The following PTGER3 variants were observed in gnomAD, a reference collection of about 807,000 sequenced individuals.
PTGER3 encodes prostaglandin E receptor 3.
PTGER3 carries 22 observed loss-of-function variants against 34.7 expected under a neutral mutation model. The observed-to-expected ratio is 0.63, with a 90% CI of 0.45 to 0.91. PTGER3 has a LOEUF of 0.91. PTGER3 is among the 40% of genes least tolerant of loss of function. The probability of loss-of-function intolerance (pLI) is 0.00; values close to 1 mark genes in which losing one functional copy is unlikely to be tolerated. For missense variants in PTGER3, 468 were observed against 519.4 expected (o/e 0.90, Z 0.96); for synonymous variants, 241 against 230.1 (o/e 1.05, Z -0.43).
intron 4 of PTGER3, among the ~76,000 whole-genome samples, chr1:70,931,407 G>T (rs1421429974): frequency 6.6e-6 from 1 of 152,182 alleles, no homozygotes; most frequent in Non-Finnish European, 1.5e-5. Context: ...CCACTCGGCA[G>T]TGCCCCAGTA....
chr1:71,013,702 C>CAAA (rs111381892), intron 1 of PTGER3, among the ~76,000 whole-genome samples: 1 of 105,612 alleles, frequency 9.5e-6, no homozygotes, highest in Non-Finnish European at 2.0e-5. Flanking sequence ...AACTCTGTCT[C>CAAA]AAAAAAAAAA....
At chr1:70,928,648 A>G (rs189214429) in intron 4 of PTGER3, among the ~76,000 whole-genome samples, 22 of 152,194 alleles carry the variant, frequency 1.4e-4, no homozygotes, top group East Asian at 3.9e-4. Flanking sequence ...AAAACAAAAC[A>G]AAAAACGAAG....
intron 4 of PTGER3, among the ~76,000 whole-genome samples, chr1:70,899,007 T>TTACA (rs1646780212): frequency 6.6e-6 from 1 of 152,134 alleles, no homozygotes; most frequent in East Asian, 1.9e-4. Context: ...CTCACCTACC[T>TTACA]TAGCCTGATG....
At chr1:70,945,983 C>A (rs1362410541) in intron 4 of PTGER3, among the ~76,000 whole-genome samples, 1 of 151,914 alleles carries the variant, frequency 6.6e-6, no homozygotes, top group African/African-American at 2.4e-5. Context: ...TTGGAAAGGG[C>A]CTTATGCAAA....
Position 70,981,384 on chromosome 1 carries a change from TTTCTTTCTTTCCTTCCTTCCTTCC to T in PTGER3, c.1078-7020_1078-6997del, listed in dbSNP as rs1368953707. Among the ~76,000 whole-genome samples the T allele has an allele frequency of 5.7e-3, 273 of 48,184 alleles. 3 individuals carry two copies. The highest frequency in any genetic ancestry group is 0.026 in the African/African-American group (255 of 9,766). The allele number at this position is 48,184 out of a possible 152,430, so 31.6% of individuals were successfully genotyped here. ...CTTTCTTTCTTTCTTTCTTTCTTTC[TTTCTTTCTTTCCTTCCTTCCTTCC>T]TTCCTTCCTTCTTTCTTTTCTTTCA... On this transcript the variant is annotated intron_variant, in intron 2 of 3. Coordinates refer to ENST00000306666, the MANE Select transcript of PTGER3 (RefSeq NM_198719.2).
At chr1:70,913,446 G>A (rs1006707508) in intron 4 of PTGER3, among the ~76,000 whole-genome samples, 1 of 151,812 alleles carries the variant, frequency 6.6e-6, no homozygotes, top group African/African-American at 2.4e-5. Context: ...TGAATAGAAA[G>A]TTCGTTTTTA....
At chr1:70,859,691 C>T (rs1427944568) in intron 4 of PTGER3, among the ~76,000 whole-genome samples, 2 of 152,152 alleles carry the variant, frequency 1.3e-5, no homozygotes, top group Non-Finnish European at 1.5e-5. Flanking sequence ...TACACGACTG[C>T]CAATTGCAGG....
At chr1:71,028,275 T>A (rs181703363) in intron 1 of PTGER3, among the ~76,000 whole-genome samples, 1 of 152,134 alleles carries the variant, frequency 6.6e-6, no homozygotes, top group Admixed American at 6.5e-5. Flanking sequence ...AGCTTCTCTC[T>A]CCTGCTAGAA....
chr1:70,967,024 A>T (rs1557694838), downstream of PTGER3, among the ~76,000 whole-genome samples: 1 of 152,116 alleles, frequency 6.6e-6, no homozygotes, highest in Non-Finnish European at 1.5e-5. Flanking sequence ...GAATCTCTAT[A>T]CTGTCTTCCA....
chr1:70,869,388 C>T (rs955678071), intron 4 of PTGER3: 1 of 417,146 alleles, frequency 2.4e-6, no homozygotes, highest in South Asian at 1.8e-5. Context: ...ATCATTCCAC[C>T]CCTCTTCTCC....
chr1:71,017,474 A>T (rs2268058), intron 1 of PTGER3, among the ~76,000 whole-genome samples: 1 of 151,906 alleles, frequency 6.6e-6, no homozygotes, highest in South Asian at 2.1e-4. Flanking sequence ...CTCTTAAGCC[A>T]CTGATATGGT....
chr1:70,989,512 G>C (rs1655235862), intron 2 of PTGER3, among the ~76,000 whole-genome samples: 1 of 152,018 alleles, frequency 6.6e-6, no homozygotes, highest in Non-Finnish European at 1.5e-5. Context: ...TGATGTCTGA[G>C]TTTTCATGAG....
chr1:70,913,080 G>A (rs1647095811), intron 4 of PTGER3, among the ~76,000 whole-genome samples: 1 of 152,046 alleles, frequency 6.6e-6, no homozygotes, highest in South Asian at 2.1e-4. Context: ...TAAGTTTTGA[G>A]AGGATTTCCA....
chr1:70,967,417 A>T (rs1652639175), downstream of PTGER3, among the ~76,000 whole-genome samples: 1 of 152,210 alleles, frequency 6.6e-6, no homozygotes, highest in African/African-American at 2.4e-5. Flanking sequence ...GTTGAGATTT[A>T]AATAAAAATA....
chr1:70,853,540 A>G (rs1249931422), intron 4 of PTGER3, among the ~76,000 whole-genome samples: 1 of 152,226 alleles, frequency 6.6e-6, no homozygotes, highest in African/African-American at 2.4e-5. Context: ...CATACATTTG[A>G]TTAAGACCAG....
At chr1:70,881,387 G>C (rs754787244) in intron 4 of PTGER3, among the ~76,000 whole-genome samples, 1 of 152,084 alleles carries the variant, frequency 6.6e-6, no homozygotes, top group Non-Finnish European at 1.5e-5. Flanking sequence ...ATTTCTATCC[G>C]TATTCTGAAT....
At chr1:71,041,267 A>T (rs1660289587) in intron 1 of PTGER3, among the ~76,000 whole-genome samples, 1 of 152,244 alleles carries the variant, frequency 6.6e-6, no homozygotes, top group South Asian at 2.1e-4. Flanking sequence ...ATTAGCCTAC[A>T]GGTGGGCAAA....
intron 2 of PTGER3, chr1:71,007,755 G>A: frequency 1.0e-6 from 1 of 985,274 alleles, no homozygotes; most frequent in South Asian, 4.7e-5. Flanking sequence ...TACTATTAAA[G>A]TTTAATGATT....
rs540202349 is a variant in PTGER3, at chr1:70,923,200, T to C, written c.*23+30563A>G. On this transcript the variant is annotated intron_variant, in intron 4 of 4. Coordinates refer to the PTGER3 transcript ENST00000370931. ...ACAAGAAGCATTGCCAAATACAAAA[T>C]GGTGCTTGGTTTTTTTTTTTGGCTC... Among the ~76,000 whole-genome samples the C allele has an allele frequency of 3.3e-4, 36 of 108,268 alleles. No individual in the cohort carries two copies. The Admixed American group carries it at 3.7e-3, about 11-fold the overall frequency. The allele number at this position is 108,268 out of a possible 152,430, so 71.0% of individuals were successfully genotyped here. A position where few individuals can be genotyped will look rare whatever the true frequency, so the allele number is the denominator to read the frequency against.
Sources: gnomAD v4.1 joint callset for allele counts (sites outside exome capture counted in the v4.1 genomes callset) on GRCh38, gnomAD v4.1.1 for gene constraint, MANE v1.5 for transcripts, NCBI Gene and HGNC (gene_info 2026-07-23, HGNC 2026-07-21) for gene names.